ACTR3C: variants seen among roughly 807,000 people sequenced by gnomAD.
ACTR3C encodes the protein actin related protein 3C.
In ACTR3C, 18 loss-of-function variants were observed where a neutral mutation model predicts 26.3. That is an observed-to-expected ratio of 0.68 (90% CI 0.47 to 1.01). The LOEUF (loss-of-function observed/expected upper bound fraction) is 1.01, where lower values mean the gene tolerates loss of function less well. Among genes scored for constraint, ACTR3C ranks in the 50% least tolerant of loss-of-function variants. ACTR3C has a pLI of 0.00. For synonymous variants in ACTR3C, 55 were observed against 94.5 expected (o/e 0.58, Z 2.42); for missense variants, 184 against 250.7 (o/e 0.73, Z 1.80).
intron 1 of ACTR3C, among the ~76,000 whole-genome samples, chr7:150,319,279 C>T (rs1007931246): frequency 1.3e-5 from 2 of 151,238 alleles, no homozygotes; most frequent in Non-Finnish European, 2.9e-5. Flanking sequence ...GTGAGCTTGG[C>T]TCACCACAAG....
the ACTR3C span, among the ~76,000 whole-genome samples, chr7:149,895,981 T>G: frequency 1.4e-5 from 2 of 141,834 alleles, no homozygotes; most frequent in East Asian, 2.1e-4. Context: ...GCAGATTGCT[T>G]AAGTCTGGGA....
the ACTR3C span, among the ~76,000 whole-genome samples, chr7:149,904,589 C>T: frequency 8.6e-6 from 1 of 115,790 alleles, no homozygotes; most frequent in Non-Finnish European, 2.1e-5. Flanking sequence ...CTGAAAAACA[C>T]AAGAGACATG....
the ACTR3C span, among the ~76,000 whole-genome samples, chr7:149,915,076 C>G: frequency 6.6e-6 from 1 of 152,066 alleles, no homozygotes; most frequent in Non-Finnish European, 1.5e-5. Flanking sequence ...AACGGGGTTT[C>G]ACCATGTTGG....
At chr7:150,146,587 C>T in the ACTR3C span, among the ~76,000 whole-genome samples, 2 of 152,316 alleles carry the variant, frequency 1.3e-5, no homozygotes, top group African/African-American at 2.4e-5. Flanking sequence ...TTCCACATTT[C>T]TTGGCCTCCT....
At chr7:149,992,548 G>A in the ACTR3C span, among the ~76,000 whole-genome samples, 4 of 152,154 alleles carry the variant, frequency 2.6e-5, no homozygotes, top group East Asian at 1.9e-4. Flanking sequence ...ACCCCTTCCC[G>A]TCCGGGGCAG....
chr7:150,124,910 C>A, the ACTR3C span, among the ~76,000 whole-genome samples: 1 of 152,212 alleles, frequency 6.6e-6, no homozygotes, highest in African/African-American at 2.4e-5. Flanking sequence ...ATATTATCGT[C>A]CCCATCTTAC....
At chr7:150,162,592 G>A in the ACTR3C span, among the ~76,000 whole-genome samples, 1 of 152,146 alleles carries the variant, frequency 6.6e-6, no homozygotes, top group African/African-American at 2.4e-5. Context: ...TGGGATTACA[G>A]GCATGAGCCA....
At chr7:149,964,930 C>T in the ACTR3C span, among the ~76,000 whole-genome samples, 5 of 152,086 alleles carry the variant, frequency 3.3e-5, no homozygotes, top group Non-Finnish European at 7.3e-5. Context: ...AATAAGGTCT[C>T]ACCCTCATCT....
At chr7:149,984,254 A>C in the ACTR3C span, among the ~76,000 whole-genome samples, 11 of 150,354 alleles carry the variant, frequency 7.3e-5, no homozygotes, top group Admixed American at 2.0e-4. Flanking sequence ...CCCAGGCAGG[A>C]GTGCAGCAGC....
At chr7:150,112,160 A>T in the ACTR3C span, among the ~76,000 whole-genome samples, 3 of 150,214 alleles carry the variant, frequency 2.0e-5, no homozygotes, top group Non-Finnish European at 4.4e-5. Context: ...CGCTTGGAGC[A>T]CCCCTTTCTC....
At chr7:150,289,967 T>C (rs919914618) in intron 3 of ACTR3C, among the ~76,000 whole-genome samples, 1 of 152,218 alleles carries the variant, frequency 6.6e-6, no homozygotes, top group Non-Finnish European at 1.5e-5. Flanking sequence ...GTTTTATTTA[T>C]AAATTGTTAA....
chr7:149,900,075 A>G, the ACTR3C span, among the ~76,000 whole-genome samples: 36,861 of 128,926 alleles, frequency 0.29, 5,062 homozygotes, highest in East Asian at 0.35. Context: ...TTTCCGTTGA[A>G]ATAAAACTAA....
chr7:150,124,528 T>C, the ACTR3C span, among the ~76,000 whole-genome samples: 3 of 152,344 alleles, frequency 2.0e-5, no homozygotes, highest in South Asian at 2.1e-4. Context: ...CTGTCTCAGA[T>C]GTTTCAGTGT....
the ACTR3C span, among the ~76,000 whole-genome samples, chr7:149,934,719 G>T: frequency 6.7e-6 from 1 of 148,490 alleles, no homozygotes; most frequent in Non-Finnish European, 1.5e-5. Context: ...GTCAGTGCGG[G>T]TTCCCGGGCC....
the ACTR3C span, among the ~76,000 whole-genome samples, chr7:150,210,989 A>G: frequency 0.019 from 2,921 of 150,516 alleles, 114 homozygotes; most frequent in African/African-American, 0.07. Context: ...CTTTTAAGAC[A>G]TCATCTCTTG....
At chr7:150,280,641 A>C (rs1201024582) in intron 6 of ACTR3C, among the ~76,000 whole-genome samples, 3 of 152,056 alleles carry the variant, frequency 2.0e-5, no homozygotes, top group Non-Finnish European at 4.4e-5. Context: ...CTGAGAGAGG[A>C]ATCTTACATA....
chr7:149,992,486 C>G, the ACTR3C span, among the ~76,000 whole-genome samples: 1 of 152,114 alleles, frequency 6.6e-6, no homozygotes, highest in African/African-American at 2.4e-5. Context: ...CTAAGTTGTC[C>G]AGGAAGCAAA....
chr7:150,227,156 ATTC>A, the ACTR3C span, among the ~76,000 whole-genome samples: 1 of 151,678 alleles, frequency 6.6e-6, no homozygotes, highest in East Asian at 1.9e-4. Flanking sequence ...TTAAAAATCT[ATTC>A]TTTTAGTGAT....
the ACTR3C span, among the ~76,000 whole-genome samples, chr7:150,083,640 C>T: frequency 6.6e-6 from 1 of 152,188 alleles, no homozygotes; most frequent in East Asian, 1.9e-4. Context: ...CTTCTAACTG[C>T]ACGTTTGTAC....
Sources: gnomAD v4.1 joint callset for allele counts (sites outside exome capture counted in the v4.1 genomes callset) on GRCh38, gnomAD v4.1.1 for gene constraint, MANE v1.5 for transcripts, NCBI Gene and HGNC (gene_info 2026-07-23, HGNC 2026-07-21) for gene names.